The following PARD3 variants were observed in gnomAD, a reference collection of about 807,000 sequenced individuals.
PARD3 encodes the protein par-3 family cell polarity regulator.
Under a neutral mutation model 155.4 loss-of-function variants are expected in PARD3, and 75 were observed. The ratio of observed to expected loss-of-function variants is 0.48; its 90% confidence interval spans 0.40 to 0.58. The LOEUF is 0.58. Ranked by LOEUF, PARD3 falls within the 20% of genes least tolerant of loss-of-function variation. PARD3 has a pLI of 0.00. For missense variants in PARD3, 1,642 were observed against 1,721.7 expected, an observed-to-expected ratio of 0.95 and a Z score of 0.82; for synonymous variants, 576 against 610.5, an observed-to-expected ratio of 0.94 and a Z score of 0.83.
intron 22 of PARD3, among the ~76,000 whole-genome samples, chr10:34,140,766 T>A (rs1014266192): frequency 7.2e-5 from 11 of 152,252 alleles, no homozygotes; most frequent in Admixed American, 3.9e-4. Flanking sequence ...TCACAGTAAA[T>A]CCCCCATATG....
intron 2 of PARD3, among the ~76,000 whole-genome samples, chr10:34,666,796 AATATAT>A (rs1204976062): frequency 1.5e-5 from 1 of 66,930 alleles, no homozygotes; most frequent in African/African-American, 6.1e-5. Context: ...AAAAAAAAAA[AATATAT>A]ATATATATAT....
At chr10:34,537,296 G>C (rs764719109) in intron 2 of PARD3, among the ~76,000 whole-genome samples, 1 of 152,150 alleles carries the variant, frequency 6.6e-6, no homozygotes, top group Admixed American at 6.5e-5. Context: ...CGTCTGGCCC[G>C]TATTCTAACT....
chr10:34,483,511 A>T (rs1404515752), intron 3 of PARD3, among the ~76,000 whole-genome samples: 4 of 151,700 alleles, frequency 2.6e-5, no homozygotes, highest in African/African-American at 9.7e-5. Context: ...AGAGAGAAAA[A>T]AAAACAGAAA....
intron 7 of PARD3, among the ~76,000 whole-genome samples, chr10:34,396,711 A>G (rs1455248707): frequency 6.6e-6 from 1 of 152,160 alleles, no homozygotes; most frequent in African/African-American, 2.4e-5. Flanking sequence ...AAGGGAAGTT[A>G]TCTTGGAAAT....
chr10:34,413,837 A>T lies in PARD3; in HGVS notation c.715-11920T>A, dbSNP rs1008744621. The stretch of plus-strand genomic sequence containing the variant: ...GAGTAGCAAGTCAGATATTAGTAAA[A>T]TTCTACCCTAAAAGAATCATTAAAC... On this transcript the variant is annotated intron_variant, in intron 5 of 24. Transcript: ENST00000374788. 9.8e-5 allele frequency among the ~76,000 whole-genome samples: 15 copies of T among 152,352 alleles called. No individual in the cohort carries two copies. In the South Asian group the frequency reaches 1.0e-3, roughly 11 times the overall value.
chr10:34,812,440 G>A (rs1186570602), intron 1 of PARD3, among the ~76,000 whole-genome samples: 1 of 152,062 alleles, frequency 6.6e-6, no homozygotes, highest in Non-Finnish European at 1.5e-5. Context: ...ATACGGATAA[G>A]GAACAGATAG....
intron 7 of PARD3, among the ~76,000 whole-genome samples, chr10:34,389,830 ATT>A (rs908880703): frequency 6.6e-6 from 1 of 150,660 alleles, no homozygotes; most frequent in African/African-American, 2.4e-5. Context: ...TTAAATCTTA[ATT>A]TTTTTTTTAG....
At chr10:34,157,541 A>C (rs1196647613) in intron 22 of PARD3, among the ~76,000 whole-genome samples, 1 of 152,172 alleles carries the variant, frequency 6.6e-6, no homozygotes, top group African/African-American at 2.4e-5. Flanking sequence ...TGCACCTCCT[A>C]ACACAGATTA....
At chr10:34,579,570 G>GTGTGTGTGTGTGTA (rs1554775603) in intron 2 of PARD3, among the ~76,000 whole-genome samples, 66 of 138,332 alleles carry the variant, frequency 4.8e-4, no homozygotes, top group Admixed American at 1.9e-3. Flanking sequence ...GTGTGTGTGT[G>GTGTGTGTGTGTGTA]TGTGTGTGTG....
chr10:34,442,799 A>G (rs1459225104), intron 5 of PARD3, among the ~76,000 whole-genome samples: 1 of 152,222 alleles, frequency 6.6e-6, no homozygotes. Flanking sequence ...TGAGCACAGA[A>G]GTTTGAAGCT....
intron 2 of PARD3, among the ~76,000 whole-genome samples, chr10:34,573,736 AACACACACACACACAC>A (rs60211169): frequency 0.096 from 3,790 of 39,522 alleles, 180 homozygotes; most frequent in African/African-American, 0.31. Flanking sequence ...AACAAACAAA[AACACACACACACACAC>A]ACACACACAC....
chr10:34,190,325 A>G (rs1192987648), intron 22 of PARD3, among the ~76,000 whole-genome samples: 3 of 152,202 alleles, frequency 2.0e-5, no homozygotes, highest in African/African-American at 7.2e-5. Context: ...AGACACAAAG[A>G]AATTTCTAAA....
intron 2 of PARD3, among the ~76,000 whole-genome samples, chr10:34,550,465 C>T (rs2084453442): frequency 6.6e-6 from 1 of 152,180 alleles, no homozygotes; most frequent in African/African-American, 2.4e-5. Flanking sequence ...CCTGGCTAGG[C>T]CTCCCAAAAA....
At chr10:34,498,983 C>T (rs1341984685) in intron 3 of PARD3, among the ~76,000 whole-genome samples, 2 of 152,122 alleles carry the variant, frequency 1.3e-5, no homozygotes, top group Non-Finnish European at 2.9e-5. Context: ...AAGTATAACA[C>T]ACATATCACC....
intron 22 of PARD3, among the ~76,000 whole-genome samples, chr10:34,166,691 CCCTT>C (rs1331655343): frequency 6.6e-6 from 1 of 151,964 alleles, no homozygotes; most frequent in African/African-American, 2.4e-5. Flanking sequence ...TGCCCGATGC[CCCTT>C]CCTTCTTCCA....
At chr10:34,808,135 G>GA (rs1843633719) in intron 1 of PARD3, among the ~76,000 whole-genome samples, 1 of 152,008 alleles carries the variant, frequency 6.6e-6, no homozygotes, top group African/African-American at 2.4e-5. Context: ...CCAACATGGC[G>GA]AGATGCCGTC....
At chr10:34,236,771 C>T (rs1333962026) in intron 22 of PARD3, among the ~76,000 whole-genome samples, 1 of 152,146 alleles carries the variant, frequency 6.6e-6, no homozygotes, top group African/African-American at 2.4e-5. Flanking sequence ...AAGACCTTCA[C>T]AATTCTCTTA....
Position 34,464,826 on chromosome 10 carries a change from G to C in PARD3, c.582+5259C>G, listed in dbSNP as rs148252968. Among the ~76,000 whole-genome samples the C allele has an allele frequency of 9.4e-3, 1,424 of 152,270 alleles. 28 individuals are homozygous for C. The highest frequency in any genetic ancestry group is 0.033 in the African/African-American group (1,363 of 41,552). ...AATAAGAATAGCCAACATCTGTATA[G>C]AGCCATGCTCCACAGAAGTCCTGAA... On this transcript the variant is annotated intron_variant, in intron 4 of 24. Transcript: ENST00000374788.
chr10:34,188,557 C>A (rs1409555282), intron 22 of PARD3, among the ~76,000 whole-genome samples: 1 of 152,084 alleles, frequency 6.6e-6, no homozygotes, highest in Non-Finnish European at 1.5e-5. Flanking sequence ...TTTACGTACA[C>A]CGACACATGT....
Sources: allele counts gnomAD v4.1 joint callset (sites outside exome capture counted in the v4.1 genomes callset), GRCh38; gene constraint gnomAD v4.1.1; transcripts MANE v1.5; gene names NCBI Gene and HGNC (gene_info 2026-07-23, HGNC 2026-07-21).